Variants in ASTN1 observed in about 807,000 individuals in gnomAD.
ASTN1 encodes the protein astrotactin-1.
A neutral mutation model predicts 140.7 loss-of-function variants in ASTN1; 41 were observed. That is an observed-to-expected ratio of 0.29 (90% CI 0.23 to 0.38). The LOEUF (loss-of-function observed/expected upper bound fraction) is 0.38, where lower values mean the gene tolerates loss of function less well. Ranked by LOEUF, ASTN1 falls within the 10% of genes least tolerant of loss-of-function variation. The pLI is 1.00. For synonymous variants in ASTN1, 640 were observed against 652.2 expected (o/e 0.98, Z 0.29); for missense variants, 1,479 against 1,678.8 (o/e 0.88, Z 2.08).
intron 16 of ASTN1, among the ~76,000 whole-genome samples, chr1:176,899,405 T>C (rs554787930): frequency 6.6e-6 from 1 of 151,828 alleles, no homozygotes; most frequent in Non-Finnish European, 1.5e-5. Context: ...ATGAGGTGAA[T>C]TAGTTGTTAG....
intron 14 of ASTN1, among the ~76,000 whole-genome samples, chr1:176,941,091 T>C (rs2103102612): frequency 6.6e-6 from 1 of 152,312 alleles, no homozygotes; most frequent in South Asian, 2.1e-4. Flanking sequence ...AGCTCTAAAA[T>C]CCTCTGAGCT....
At chr1:176,877,998 C>G (rs970335513) in intron 20 of ASTN1, among the ~76,000 whole-genome samples, 2 of 152,210 alleles carry the variant, frequency 1.3e-5, no homozygotes, top group Admixed American at 6.5e-5. Flanking sequence ...ACTCCCTCCC[C>G]ACAAAGACAT....
intron 5 of ASTN1, among the ~76,000 whole-genome samples, chr1:177,025,110 C>A (rs748509483): frequency 6.6e-6 from 1 of 152,188 alleles, no homozygotes; most frequent in Non-Finnish European, 1.5e-5. Context: ...TACCTCCCAT[C>A]GCTCTTCACA....
chr1:177,003,170 G>T (rs1352249966), intron 8 of ASTN1, among the ~76,000 whole-genome samples: 2 of 151,752 alleles, frequency 1.3e-5, no homozygotes, highest in East Asian at 1.9e-4. Flanking sequence ...CCAAAGCCAG[G>T]AAGGGACATA....
chr1:176,949,087 G>A, intron 12 of ASTN1, 98 bp downstream of exon 12: 2 of 1,503,226 alleles, frequency 1.3e-6, no homozygotes, highest in East Asian at 2.3e-5. Flanking sequence ...GGATGGCCTA[G>A]GGTGACCTAT....
intron 7 of ASTN1, 113 bp from the exon 8 acceptor site, chr1:177,014,988 G>A: frequency 6.6e-6 from 6 of 904,236 alleles, no homozygotes; most frequent in Non-Finnish European, 1.1e-5. Context: ...TCTGATATTA[G>A]CATGAATGAG....
At chr1:176,935,287 G>A (rs1343373590) in intron 15 of ASTN1, among the ~76,000 whole-genome samples, 2 of 152,206 alleles carry the variant, frequency 1.3e-5, no homozygotes, top group African/African-American at 2.4e-5. Flanking sequence ...TGGCACCAGC[G>A]ATATTTGATT....
intron 12 of ASTN1, among the ~76,000 whole-genome samples, chr1:176,946,975 T>C (rs905192778): frequency 2.0e-5 from 3 of 152,252 alleles, no homozygotes; most frequent in African/African-American, 2.4e-5. Flanking sequence ...TCATTGGGCA[T>C]AAACCAAATT....
chr1:177,061,159 G>A lies in ASTN1; in HGVS notation c.390C>T (p.Ser130=). ...FHIHHQDGAP[S]LPGQDPTEEP... is the part of the protein sequence containing the mutation. Reference sequence around the variant, plus strand: ...CTTCAGTGGGGTCTTGTCCAGGAAGGCTTGGGGCACCATCTTGGTGATGAA... The same window carrying A: ...CTTCAGTGGGGTCTTGTCCAGGAAGACTTGGGGCACCATCTTGGTGATGAA... The change falls in exon 2 of 23, where the codon AGC becomes AGT. Residue 130 remains serine, a synonymous_variant. Coordinates refer to ENST00000361833, the MANE Select transcript of ASTN1 (RefSeq NM_004319.3). 1 of 1,611,552 alleles carries A rather than the reference G, an allele frequency of 6.2e-7. No homozygotes were observed. The highest frequency in any genetic ancestry group is 8.5e-7 in the Non-Finnish European group (1 of 1,178,942).
intron 1 of ASTN1, among the ~76,000 whole-genome samples, chr1:177,081,609 C>T (rs1415983672): frequency 1.3e-5 from 2 of 152,224 alleles, no homozygotes; most frequent in Admixed American, 1.3e-4. Flanking sequence ...GGAAGACACC[C>T]TGGCCACATC....
intron 11 of ASTN1, among the ~76,000 whole-genome samples, chr1:176,950,989 TC>T (rs967037047): frequency 6.6e-6 from 1 of 152,074 alleles, no homozygotes; most frequent in African/African-American, 2.4e-5. Context: ...CACCTCTCCT[TC>T]CTCCTCTTTC....
chr1:177,121,591 G>A (rs1008167321), intron 1 of ASTN1, among the ~76,000 whole-genome samples: 3 of 152,186 alleles, frequency 2.0e-5, no homozygotes, highest in Non-Finnish European at 4.4e-5. Flanking sequence ...ATAAGGTATA[G>A]AGCATTTTAC....
intron 6 of ASTN1, 145 bp downstream of exon 6, chr1:177,024,438 G>T: frequency 9.5e-7 from 1 of 1,050,516 alleles, no homozygotes; most frequent in Non-Finnish European, 1.4e-6. Context: ...CAATACAATT[G>T]TATCCTCATC....
chr1:177,021,820 C>A (rs1411356201), intron 7 of ASTN1, among the ~76,000 whole-genome samples: 1 of 152,172 alleles, frequency 6.6e-6, no homozygotes, highest in African/African-American at 2.4e-5. Flanking sequence ...CAATCCAAGC[C>A]AGCTGGAGAA....
In ASTN1 at chr1:176,987,172, C is replaced by A. The variant is rs1411478082; in HGVS notation, c.1524-21935G>T. On this transcript the variant is annotated intron_variant, in intron 8 of 22. Transcript: ENST00000361833. ...TGTCCATAGTGCTGAGGTTGAGAAACCCTGATCTAATGCAGGAATCATGAT... is the reference window on the plus strand; with the variant it reads ...TGTCCATAGTGCTGAGGTTGAGAAAACCTGATCTAATGCAGGAATCATGAT... Among the ~76,000 whole-genome samples, 4 of 152,142 alleles carry A rather than the reference C, an allele frequency of 2.6e-5. No individual in the cohort carries two copies. In the East Asian group the frequency reaches 5.8e-4, roughly 22 times the overall value.
At chr1:177,074,131 T>C (rs1334482722) in intron 1 of ASTN1, among the ~76,000 whole-genome samples, 1 of 152,114 alleles carries the variant, frequency 6.6e-6, no homozygotes, top group Non-Finnish European at 1.5e-5. Context: ...ATTAATGATA[T>C]GACAAAGATC....
rs1350569028 is a variant in ASTN1 at position 177,149,485 on chromosome 1, A to AAT, written c.283+14907_283+14908dup. ...ATATATATATAGTATATATATAGTA[A>AAT]ATATATATAGTATATATATAGTAAA... On this transcript the variant is annotated intron_variant, in intron 1 of 22. Coordinates refer to ENST00000361833, the MANE Select transcript of ASTN1 (RefSeq NM_004319.3). 1.1e-3 allele frequency among the ~76,000 whole-genome samples: 44 copies of AAT among 38,904 alleles called. 1 individual carries two copies. Among genetic ancestry groups the AAT allele is most frequent in the African/African-American group, 2.1e-3 (12 of 5,706 alleles). 25.5% of individuals were successfully genotyped at this position (38,904 alleles called of 152,430 possible).
chr1:176,928,784 C>A (rs1571523352), intron 16 of ASTN1, among the ~76,000 whole-genome samples: 1 of 152,014 alleles, frequency 6.6e-6, no homozygotes, highest in East Asian at 1.9e-4. Context: ...CTTTAGGAGG[C>A]AATGCAAAAA....
At chr1:176,949,154 G>T in intron 12 of ASTN1, 31 bp downstream of exon 12, 1 of 1,611,652 alleles carries the variant, frequency 6.2e-7, no homozygotes, top group South Asian at 1.1e-5. Flanking sequence ...ACAGATGGAC[G>T]CCAGGTGGCC....
Sources: gnomAD v4.1 joint callset for allele counts (sites outside exome capture counted in the v4.1 genomes callset) on GRCh38, gnomAD v4.1.1 for gene constraint, MANE v1.5 for transcripts, NCBI Gene and HGNC (gene_info 2026-07-23, HGNC 2026-07-21) for gene names.